The following FUT9 variants were observed in gnomAD, a reference collection of about 807,000 sequenced individuals.
FUT9 encodes the protein 4-galactosyl-N-acetylglucosaminide 3-alpha-L-fucosyltransferase 9.
A neutral mutation model predicts 29.7 loss-of-function variants in FUT9; 15 were observed. The observed-to-expected ratio is 0.51, with a 90% CI of 0.34 to 0.78. The LOEUF (loss-of-function observed/expected upper bound fraction) is 0.78, where lower values mean the gene tolerates loss of function less well. Among genes scored for constraint, FUT9 ranks in the 30% least tolerant of loss-of-function variants. The pLI is 0.01. For missense variants in FUT9, 319 were observed against 425.4 expected (o/e 0.75, Z 2.20); for synonymous variants, 169 against 153.7 (o/e 1.10, Z -0.74).
chr6:96,154,670 G>C (rs2127977783), intron 2 of FUT9, among the ~76,000 whole-genome samples: 1 of 152,200 alleles, frequency 6.6e-6, no homozygotes, highest in African/African-American at 2.4e-5. Flanking sequence ...TTTTGTGCCT[G>C]CAAACAGTGA....
chr6:96,199,295 C>T (rs942532392), intron 2 of FUT9, among the ~76,000 whole-genome samples: 4 of 152,024 alleles, frequency 2.6e-5, no homozygotes, highest in African/African-American at 4.8e-5. Context: ...AGGATTCTGT[C>T]AAGGAGATGT....
chr6:96,059,788 G>A (rs1214584711), intron 1 of FUT9, among the ~76,000 whole-genome samples: 2 of 152,120 alleles, frequency 1.3e-5, no homozygotes, highest in Non-Finnish European at 2.9e-5. Context: ...TCTTTGCAAA[G>A]TGTGAATATA....
chr6:96,188,896 C>A (rs983828984), intron 2 of FUT9, among the ~76,000 whole-genome samples: 6 of 151,902 alleles, frequency 3.9e-5, no homozygotes, highest in Non-Finnish European at 8.8e-5. Flanking sequence ...ATGATTTAGG[C>A]ACTAGGGACT....
chr6:96,123,112 A>C (rs920904192), intron 2 of FUT9, among the ~76,000 whole-genome samples: 3 of 144,376 alleles, frequency 2.1e-5, no homozygotes, highest in Non-Finnish European at 4.5e-5. Flanking sequence ...TATATTGTAG[A>C]GCTATTGTGA....
rs1773794056 is a variant in FUT9 at position 96,204,639 on chromosome 6, G to C, written c.*404G>C. The C allele has an allele frequency of 6.0e-6, 1 of 167,982 alleles. No homozygotes were observed. The highest frequency in any genetic ancestry group is 2.1e-4 in the South Asian group (1 of 4,834). The allele number at this position is 167,982 out of a possible 1,614,324, so 10.4% of individuals were successfully genotyped here. ...TTTTCACTAAGTATTACAATGTCTA[G>C]TTCCAACTTTGCATACTATAACAGA... On this transcript the variant is annotated 3_prime_UTR_variant, in exon 3 of 3. Transcript: ENST00000302103.
chr6:96,048,514 G>A (rs2127936914), intron 1 of FUT9, among the ~76,000 whole-genome samples: 1 of 152,296 alleles, frequency 6.6e-6, no homozygotes, highest in Non-Finnish European at 1.5e-5. Flanking sequence ...AGAGAAGCAA[G>A]GTTTCCAAAT....
chr6:96,155,077 A>G (rs1239624267), intron 2 of FUT9, among the ~76,000 whole-genome samples: 1 of 152,146 alleles, frequency 6.6e-6, no homozygotes, highest in Non-Finnish European at 1.5e-5. Flanking sequence ...ATGACCCCCA[A>G]TCAGCAGAGC....
chr6:96,119,534 A>T (rs1042749564), intron 2 of FUT9, among the ~76,000 whole-genome samples: 36 of 152,184 alleles, frequency 2.4e-4, no homozygotes, highest in African/African-American at 8.7e-4. Context: ...TTTTACTTCA[A>T]AATAATTATG....
chr6:96,088,181 T>C (rs1335222600), intron 1 of FUT9, among the ~76,000 whole-genome samples: 1 of 152,146 alleles, frequency 6.6e-6, no homozygotes, highest in Non-Finnish European at 1.5e-5. Flanking sequence ...AAGGCACATG[T>C]ATAGCTATGT....
intron 1 of FUT9, among the ~76,000 whole-genome samples, chr6:96,031,541 T>A (rs983994737): frequency 6.6e-6 from 1 of 151,454 alleles, no homozygotes; most frequent in African/African-American, 2.4e-5. Flanking sequence ...TGTAGCAAAC[T>A]GGTCTAGTAA....
chr6:96,095,695 G>C (rs1758615168), intron 1 of FUT9, among the ~76,000 whole-genome samples: 1 of 152,008 alleles, frequency 6.6e-6, no homozygotes, highest in Non-Finnish European at 1.5e-5. Flanking sequence ...TCCTGCCCCA[G>C]CCTTTGGCCA....
At chr6:96,091,064 A>C (rs1771404192) in intron 1 of FUT9, among the ~76,000 whole-genome samples, 1 of 151,988 alleles carries the variant, frequency 6.6e-6, no homozygotes, top group African/African-American at 2.4e-5. Context: ...CCCATCTCAA[A>C]TATCACCCTG....
chr6:96,069,320 C>CAA (rs66913347), intron 1 of FUT9, among the ~76,000 whole-genome samples: 1,721 of 146,112 alleles, frequency 0.012, 39 homozygotes, highest in East Asian at 0.1. Context: ...GACTCCATCT[C>CAA]AAAAAAAAAA....
chr6:96,125,782 C>A (rs747212873), intron 2 of FUT9, among the ~76,000 whole-genome samples: 23 of 152,104 alleles, frequency 1.5e-4, no homozygotes, highest in Non-Finnish European at 2.6e-4. Context: ...CCATTACTAC[C>A]CAGCTCATTT....
Position 96,215,077 on chromosome 6 carries a change from A to C in FUT9, c.*10842A>C, listed in dbSNP as rs1774012422. 6.0e-6 allele frequency: 1 copy of C among 166,976 alleles called. No individual in the cohort carries two copies. Among genetic ancestry groups the C allele is most frequent in the Non-Finnish European group, 1.5e-5 (1 of 68,072 alleles). The allele number at this position is 166,976 out of a possible 1,614,324, so 10.3% of individuals were successfully genotyped here. A position where few individuals can be genotyped will look rare whatever the true frequency, so the allele number is the denominator to read the frequency against. On this transcript the variant is annotated 3_prime_UTR_variant, in exon 3 of 3. Transcript: ENST00000302103. ...ACATTCAGCTAACATTGATCTAGGCACTTAGTTTGCTACCACATTGTTCCC... is the reference window on the plus strand; with the variant it reads ...ACATTCAGCTAACATTGATCTAGGCCCTTAGTTTGCTACCACATTGTTCCC...
Position 96,203,183 on chromosome 6 carries a change from C to T in FUT9, c.28C>T (p.Arg10Cys), listed in dbSNP as rs376205938. The change falls in exon 3 of 3, where the codon CGC (arginine) becomes TGC (cysteine). Residue 10 changes from arginine (R) to cysteine (C), a missense_variant. Arg to Cys is a radical substitution (Grantham distance 180). Coordinates refer to ENST00000302103, the MANE Select transcript of FUT9 (RefSeq NM_006581.4). ...GACATCAACATCCAAAGGAATTCTT[C>T]GCCCATTTTTAATTGTCTGCATTAT... MTSTSKGIL[R>C]PFLIVCIILG... The T allele has an allele frequency of 8.1e-6, 13 of 1,597,292 alleles. No homozygotes were observed. The highest frequency in any genetic ancestry group is 5.1e-5 in the Admixed American group (3 of 59,068).
chr6:96,031,118 T>C (rs577340300), intron 1 of FUT9, among the ~76,000 whole-genome samples: 120 of 151,660 alleles, frequency 7.9e-4, no homozygotes, highest in African/African-American at 2.7e-3. Flanking sequence ...AAAATCATGA[T>C]TGGAAGAATG....
At chr6:96,189,377 T>A (rs1320781578) in intron 2 of FUT9, among the ~76,000 whole-genome samples, 2 of 150,474 alleles carry the variant, frequency 1.3e-5, no homozygotes, top group South Asian at 2.1e-4. Flanking sequence ...TTTTTTTTTT[T>A]ATCTTATAAG....
chr6:96,069,432 A>T (rs9485646), intron 1 of FUT9, among the ~76,000 whole-genome samples: 64,810 of 151,576 alleles, frequency 0.43, 14,250 homozygotes, highest in East Asian at 0.6. Flanking sequence ...AAATGAGAAG[A>T]TTGGAAAAAA....
Sources: gnomAD v4.1 joint callset for allele counts (sites outside exome capture counted in the v4.1 genomes callset) on GRCh38, gnomAD v4.1.1 for gene constraint, MANE v1.5 for transcripts, NCBI Gene and HGNC (gene_info 2026-07-23, HGNC 2026-07-21) for gene names.